The following RIPOR2 variants were observed in gnomAD, a reference collection of about 807,000 sequenced individuals.
The protein encoded by RIPOR2 is RHO family interacting cell polarization regulator 2.
A neutral mutation model predicts 114.5 loss-of-function variants in RIPOR2; 39 were observed. That is an observed-to-expected ratio of 0.34 (90% CI 0.26 to 0.44). RIPOR2 has a LOEUF of 0.44. Ranked by LOEUF, RIPOR2 falls within the 20% of genes least tolerant of loss-of-function variation. The probability of loss-of-function intolerance (pLI) is 1.00; values close to 1 mark genes in which losing one functional copy is unlikely to be tolerated. For synonymous variants in RIPOR2, 445 were observed against 484.4 expected (o/e 0.92, Z 1.07); for missense variants, 1,007 against 1,255.1 (o/e 0.80, Z 2.99).
chr6:24,990,480 A>G (rs1334960273), intron 1 of RIPOR2, among the ~76,000 whole-genome samples: 2 of 152,236 alleles, frequency 1.3e-5, no homozygotes, highest in African/African-American at 4.8e-5. Flanking sequence ...AGAAGCCACA[A>G]TCGTGAGTCG....
rs1187779898 is a variant in RIPOR2 at position 25,005,982 on chromosome 6, G to T, written c.76+35869C>A. Reference sequence around the variant, plus strand: ...TGCCCAGCACAAAAGCTGCTCTAAGGTTTATATATTTCCTTCCAGGCTTTT... The same window carrying T: ...TGCCCAGCACAAAAGCTGCTCTAAGTTTTATATATTTCCTTCCAGGCTTTT... On this transcript the variant is annotated intron_variant, in intron 1 of 13. Coordinates refer to the RIPOR2 transcript ENST00000510784. Among the ~76,000 whole-genome samples, 3 of 151,724 alleles carry T rather than the reference G, an allele frequency of 2.0e-5. No homozygotes were observed. In the East Asian group the frequency reaches 5.8e-4, roughly 29 times the overall value.
intron 1 of RIPOR2, among the ~76,000 whole-genome samples, chr6:24,927,053 ACCACCACCACC>A (rs1312549322): frequency 8.9e-3 from 1 of 112 alleles, no homozygotes; most frequent in Non-Finnish European, 0.012. Context: ...TCTCACTACC[ACCACCACCACC>A]ACCACCACCA....
chr6:24,849,198 C>A (rs568049603), intron 11 of RIPOR2, among the ~76,000 whole-genome samples: 1 of 152,322 alleles, frequency 6.6e-6, no homozygotes, highest in African/African-American at 2.4e-5. Context: ...AGCCACCGCA[C>A]CTGGAGCTGC....
intron 1 of RIPOR2, among the ~76,000 whole-genome samples, chr6:24,924,853 T>A (rs1041536786): frequency 6.6e-6 from 1 of 152,152 alleles, no homozygotes; most frequent in African/African-American, 2.4e-5. Flanking sequence ...AAAAGCTAGA[T>A]AAATAGTTTA....
At chr6:24,836,774 G>A (rs1761149251) in intron 14 of RIPOR2, among the ~76,000 whole-genome samples, 1 of 151,878 alleles carries the variant, frequency 6.6e-6, no homozygotes, top group African/African-American at 2.4e-5. Flanking sequence ...TTGTGTCTGG[G>A]CAGTCCACAC....
At chr6:24,942,540 G>C (rs1772190666) in intron 1 of RIPOR2, among the ~76,000 whole-genome samples, 1 of 152,144 alleles carries the variant, frequency 6.6e-6, no homozygotes. Flanking sequence ...CAGTGTAAAA[G>C]TGCTCCTATT....
At chr6:24,970,840 C>T (rs1293068961) in intron 1 of RIPOR2, among the ~76,000 whole-genome samples, 6 of 152,102 alleles carry the variant, frequency 3.9e-5, no homozygotes, top group Non-Finnish European at 5.9e-5. Flanking sequence ...TGTAGTCAGA[C>T]GGCCTGGCTT....
chr6:24,809,848 G>A, intron 20 of RIPOR2, 41 bp from the exon 21 acceptor site: 1 of 1,288,674 alleles, frequency 7.8e-7, no homozygotes, highest in Non-Finnish European at 1.1e-6. Flanking sequence ...TTGACATTTA[G>A]GTCTAGAGTA....
At chr6:25,028,208 G>T (rs1226863650) in intron 1 of RIPOR2, among the ~76,000 whole-genome samples, 3 of 152,294 alleles carry the variant, frequency 2.0e-5, no homozygotes, top group East Asian at 3.9e-4. Context: ...CTCCTTAGCT[G>T]CCCTCAGACA....
intron 17 of RIPOR2, 57 bp from the exon 18 acceptor site, chr6:24,828,352 A>G: frequency 7.8e-7 from 1 of 1,284,456 alleles, no homozygotes; most frequent in Non-Finnish European, 1.0e-6. Flanking sequence ...TCATTCATTC[A>G]TTCATTCAAT....
At chr6:24,997,988 G>A (rs1355449115) in intron 1 of RIPOR2, among the ~76,000 whole-genome samples, 1 of 152,182 alleles carries the variant, frequency 6.6e-6, no homozygotes, top group Non-Finnish European at 1.5e-5. Flanking sequence ...GAGATTGGAT[G>A]CACTGGAGCA....
chr6:24,810,216 C>A lies in RIPOR2; in HGVS notation c.2953-409G>T, dbSNP rs910221296. On this transcript the variant is annotated intron_variant, in intron 20 of 21. Coordinates refer to ENST00000643898, the MANE Select transcript of RIPOR2 (RefSeq NM_001286445.3). ...AAACCCAATATTCCTGGGTGCCACT[C>A]CGGATGCACTATATCAGAATTTCCT... 2.0e-5 allele frequency among the ~76,000 whole-genome samples: 3 copies of A among 152,110 alleles called. No individual in the cohort carries two copies. In the South Asian group the frequency reaches 6.2e-4, roughly 32 times the overall value.
intron 1 of RIPOR2, among the ~76,000 whole-genome samples, chr6:24,934,022 TGCATCAGC>T (rs551128593): frequency 4.6e-5 from 7 of 152,168 alleles, no homozygotes; most frequent in Admixed American, 1.3e-4. Context: ...CAGAGTGCAG[TGCATCAGC>T]CTATAGAGGG....
intron 1 of RIPOR2, among the ~76,000 whole-genome samples, chr6:24,944,755 A>T (rs527244227): frequency 1.3e-5 from 2 of 152,186 alleles, no homozygotes; most frequent in East Asian, 1.9e-4. Context: ...ACACATCATA[A>T]TCAAACAGTA....
chr6:24,959,391 G>T (rs971938124), intron 1 of RIPOR2, among the ~76,000 whole-genome samples: 1 of 152,154 alleles, frequency 6.6e-6, no homozygotes, highest in Non-Finnish European at 1.5e-5. Flanking sequence ...GTCCATGACA[G>T]GTCCTAGGAG....
intron 1 of RIPOR2, among the ~76,000 whole-genome samples, chr6:24,984,187 G>A (rs148269966): frequency 3.4e-3 from 516 of 152,270 alleles, no homozygotes; most frequent in African/African-American, 0.01. Context: ...TGTCTCACGC[G>A]TCCGTGTGAA....
At chr6:24,920,443 C>G (rs1470405587) in intron 1 of RIPOR2, among the ~76,000 whole-genome samples, 1 of 152,184 alleles carries the variant, frequency 6.6e-6, no homozygotes, top group Non-Finnish European at 1.5e-5. Flanking sequence ...ATATTCACCT[C>G]CAAGAAGCCA....
chr6:24,962,796 G>A (rs449796), intron 1 of RIPOR2, among the ~76,000 whole-genome samples: 120,977 of 152,180 alleles, frequency 0.79, 51,648 homozygotes, highest in East Asian at 0.96. Flanking sequence ...TTTGAAGAAT[G>A]GCATACATCT....
At chr6:24,999,046 T>C (rs541179987) in intron 1 of RIPOR2, among the ~76,000 whole-genome samples, 1 of 152,244 alleles carries the variant, frequency 6.6e-6, no homozygotes, top group South Asian at 2.1e-4. Flanking sequence ...ATCTGGGAGA[T>C]CAAATGAAGG....
Sources: gnomAD v4.1 joint callset for allele counts (sites outside exome capture counted in the v4.1 genomes callset) on GRCh38, gnomAD v4.1.1 for gene constraint, MANE v1.5 for transcripts, NCBI Gene and HGNC (gene_info 2026-07-23, HGNC 2026-07-21) for gene names.